The following EMID1 variants were observed in gnomAD, a reference collection of about 807,000 sequenced individuals.
EMID1 encodes EMI domain-containing protein 1.
In EMID1, 40 loss-of-function variants were observed where a neutral mutation model predicts 60.6. That is an observed-to-expected ratio of 0.66 (90% CI 0.51 to 0.86). The LOEUF (loss-of-function observed/expected upper bound fraction) is 0.86, where lower values mean the gene tolerates loss of function less well. Among genes scored for constraint, EMID1 ranks in the 40% least tolerant of loss-of-function variants. The pLI, the probability that EMID1 is intolerant of heterozygous loss-of-function variation, is 0.00. For synonymous variants in EMID1, 242 were observed against 231.0 expected, an observed-to-expected ratio of 1.05 and a Z score of -0.43; for missense variants, 585 against 597.1, an observed-to-expected ratio of 0.98 and a Z score of 0.21.
At position 29,255,244 on chromosome 22, in the gene EMID1, C is replaced by T. The variant is rs28456325; in HGVS notation, c.1204+957C>T. 1.3e-4 allele frequency: 185 copies of T among 1,400,342 alleles called. 2 individuals carry two copies. In the East Asian group the frequency reaches 2.2e-3, roughly 17 times the overall value. The allele number at this position is 1,400,342 out of a possible 1,614,324, so 86.7% of individuals were successfully genotyped here. Reference sequence around the variant, plus strand: ...CAGCCCTCGGAGGCCAGACTCGCACCGTCTGCTCTTCTCCATCTCCCATCA... The same window carrying T: ...CAGCCCTCGGAGGCCAGACTCGCACTGTCTGCTCTTCTCCATCTCCCATCA... On this transcript the variant is annotated intron_variant, in intron 14 of 14. Coordinates refer to ENST00000334018, the MANE Select transcript of EMID1 (RefSeq NM_133455.4).
chr22:29,229,643 CAAAA>C (rs34973149), intron 5 of EMID1, among the ~76,000 whole-genome samples: 6 of 127,032 alleles, frequency 4.7e-5, no homozygotes, highest in African/African-American at 6.0e-5. Flanking sequence ...AACTCCACCT[CAAAA>C]AAAAAAAAAA....
At chr22:29,234,446 C>T in intron 12 of EMID1, 97 bp downstream of exon 12, 2 of 1,383,266 alleles carry the variant, frequency 1.4e-6, no homozygotes, top group Non-Finnish European at 9.9e-7. Flanking sequence ...GCTTCTAACC[C>T]TCCCTGTCTT....
intron 12 of EMID1, among the ~76,000 whole-genome samples, chr22:29,240,891 T>G (rs1335740895): frequency 1.3e-5 from 2 of 152,196 alleles, no homozygotes; most frequent in Non-Finnish European, 2.9e-5. Context: ...CCCCATGACC[T>G]GGTGTTGGGT....
rs76367973 is a variant in EMID1, at chr22:29,232,271, C to G, written c.692C>G (p.Pro231Arg). 0.015 allele frequency: 24,732 copies of G among 1,611,660 alleles called. 246 individuals carry two copies. Among genetic ancestry groups the G allele is most frequent in the Middle Eastern group, 0.029 (152 of 5,192 alleles). The change falls in exon 8 of 15, where the codon CCA (proline) becomes CGA (arginine). Residue 231 changes from proline (P) to arginine (R), a missense_variant. Coordinates refer to ENST00000334018, the MANE Select transcript of EMID1 (RefSeq NM_133455.4). ...MRGPPGPQGP[P>R]GSPGRAGAVG... ...TCCATTGCAGGTCCACAGGGCCCCC[C>G]AGGGAGCCCTGGCCGGGCTGGAGCT...
intron 14 of EMID1, chr22:29,255,203 G>T: frequency 1.2e-5 from 1 of 81,292 alleles, no homozygotes. Context: ...CACCCTCCCC[G>T]CTTGGCTCCC....
At chr22:29,220,059 G>T (rs1424046473) in intron 3 of EMID1, among the ~76,000 whole-genome samples, 3 of 151,098 alleles carry the variant, frequency 2.0e-5, no homozygotes, top group Non-Finnish European at 4.4e-5. Flanking sequence ...CATCCTGCAC[G>T]CCCAGCCAAC....
intron 14 of EMID1, 134 bp from the exon 15 acceptor site, chr22:29,258,683 C>T (rs375689181): frequency 7.2e-7 from 1 of 1,387,200 alleles, no homozygotes; most frequent in African/African-American, 1.5e-5. Context: ...TCCCACAGCT[C>T]TGCAGCCAGA....
intron 5 of EMID1, among the ~76,000 whole-genome samples, chr22:29,228,898 G>A (rs189712891): frequency 3.3e-4 from 50 of 152,190 alleles, no homozygotes; most frequent in Admixed American, 2.9e-3. Context: ...GCCCAGCCTG[G>A]GAACTTAATG....
Position 29,214,994 on chromosome 22 carries a change from G to C in EMID1, c.170G>C (p.Arg57Pro). 1 of 1,552,844 alleles carries C rather than the reference G, an allele frequency of 6.4e-7. No individual in the cohort carries two copies. Among genetic ancestry groups the C allele is most frequent in the East Asian group, 2.4e-5 (1 of 41,402 alleles). ...CHVQNGTYLQRVLQNCPWPMS... is the reference protein window; with the variant it reads ...CHVQNGTYLQPVLQNCPWPMS... ...GTGCAGAATGGCACCTACCTTCAGC[G>C]AGTGCTGCAGAACTGCCCCTGGCCC... Residue 57 changes from arginine (R) to proline (P), a missense_variant, in exon 2 of 15, where the codon CGA becomes CCA. Transcript: ENST00000334018.
At position 29,225,205 on chromosome 22, in the gene EMID1, C is replaced by A. The variant is rs757933200; in HGVS notation, c.392C>A (p.Thr131Lys). 6.2e-7 allele frequency: 1 copy of A among 1,613,776 alleles called. No individual in the cohort carries two copies. Among genetic ancestry groups the A allele is most frequent in the Non-Finnish European group, 8.5e-7 (1 of 1,179,988 alleles). The change falls in exon 4 of 15, where the codon ACA becomes AAA. Residue 131 changes from threonine (T) to lysine (K), a missense_variant. By Grantham distance (78) the Thr-to-Lys change is moderately conservative. Transcript: ENST00000334018. Reference sequence around the variant, plus strand: ...ATGCGGCGGATGGCGCTTCGGCCCACAGCCTTCTCAGGTGGGTCCTGGGAT... The same window carrying A: ...ATGCGGCGGATGGCGCTTCGGCCCAAAGCCTTCTCAGGTGGGTCCTGGGAT... ...STMRRMALRP[T>K]AFSGCLNCSK...
intron 3 of EMID1, among the ~76,000 whole-genome samples, chr22:29,222,684 G>A (rs1180736251): frequency 1.3e-5 from 2 of 152,152 alleles, no homozygotes; most frequent in African/African-American, 4.8e-5. Flanking sequence ...GATTACAGGC[G>A]TGAGCCACTG....
At chr22:29,224,487 G>C (rs1169999622) in intron 3 of EMID1, among the ~76,000 whole-genome samples, 2 of 152,204 alleles carry the variant, frequency 1.3e-5, no homozygotes, top group African/African-American at 4.8e-5. Flanking sequence ...TCCGGTAGGG[G>C]TGGCAGCAGG....
chr22:29,238,137 T>C (rs2041021397), intron 12 of EMID1, among the ~76,000 whole-genome samples: 1 of 143,402 alleles, frequency 7.0e-6, no homozygotes, highest in Non-Finnish European at 1.5e-5. Flanking sequence ...CTTGCTTGCA[T>C]GGTTTCTGCA....
intron 12 of EMID1, among the ~76,000 whole-genome samples, chr22:29,237,483 G>A (rs755734740): frequency 3.5e-5 from 5 of 144,016 alleles, no homozygotes; most frequent in Admixed American, 6.8e-5. Context: ...GCCCGGCCAT[G>A]CTCCTCCTTT....
chr22:29,211,167 T>C (rs2039867373), intron 1 of EMID1, among the ~76,000 whole-genome samples: 1 of 152,084 alleles, frequency 6.6e-6, no homozygotes, highest in African/African-American at 2.4e-5. Flanking sequence ...ACTGTGACTG[T>C]GTGCCCCTCT....
At chr22:29,253,308 C>T (rs1313600134) in intron 13 of EMID1, among the ~76,000 whole-genome samples, 2 of 152,140 alleles carry the variant, frequency 1.3e-5, no homozygotes, top group South Asian at 2.1e-4. Context: ...TTTGGCTGGG[C>T]GCGGTGGCTT....
At chr22:29,238,579 G>A (rs1227025164) in intron 12 of EMID1, among the ~76,000 whole-genome samples, 4 of 143,088 alleles carry the variant, frequency 2.8e-5, no homozygotes, top group Admixed American at 1.4e-4. Context: ...CATCACGCCC[G>A]GCTAATTTTT....
At chr22:29,216,622 G>A in intron 3 of EMID1, 1 of 985,478 alleles carries the variant, frequency 1.0e-6, no homozygotes, top group East Asian at 1.1e-4. Context: ...GCTTCCAGAA[G>A]CCACGGCTCA....
intron 6 of EMID1, 91 bp downstream of exon 6, chr22:29,231,231 C>T: frequency 1.3e-6 from 2 of 1,484,592 alleles, no homozygotes; most frequent in Middle Eastern, 2.0e-4. Context: ...GTCGCTGACT[C>T]CCAACTTAAC....
Sources: gnomAD v4.1 joint callset for allele counts (sites outside exome capture counted in the v4.1 genomes callset) on GRCh38, gnomAD v4.1.1 for gene constraint, MANE v1.5 for transcripts, NCBI Gene and HGNC (gene_info 2026-07-23, HGNC 2026-07-21) for gene names.